PCDHGA12: variants seen among roughly 807,000 people sequenced by gnomAD.
The protein encoded by PCDHGA12 is protocadherin gamma subfamily A, 12.
In PCDHGA12, 43 loss-of-function variants were observed where a neutral mutation model predicts 61.1. The observed-to-expected ratio is 0.70, with a 90% CI of 0.55 to 0.91. PCDHGA12 has a LOEUF of 0.91. Ranked by LOEUF, PCDHGA12 falls within the 40% of genes least tolerant of loss-of-function variation. The pLI is 0.00. For missense variants in PCDHGA12, 1,236 were observed against 1,227.7 expected (o/e 1.01, Z -0.10); for synonymous variants, 520 against 542.9 (o/e 0.96, Z 0.59).
chr5:141,433,262 T>A, intron 1 of PCDHGA12, 79 bp downstream of exon 1: 1 of 1,339,436 alleles, frequency 7.5e-7, no homozygotes, highest in Non-Finnish European at 1.0e-6. Flanking sequence ...GGTACGATCA[T>A]AGCTCACTGC....
At chr5:141,478,694 T>A (rs2099472305) in intron 1 of PCDHGA12, 1 of 1,550,598 alleles carries the variant, frequency 6.4e-7, no homozygotes, top group Admixed American at 2.0e-5. Flanking sequence ...TAGATCAAAG[T>A]TAGTGCCTTT....
intron 1 of PCDHGA12, chr5:141,478,781 A>G: frequency 6.7e-7 from 1 of 1,485,388 alleles, no homozygotes; most frequent in Non-Finnish European, 9.0e-7. Flanking sequence ...TGTGGACCTA[A>G]TTCACATCCT....
In PCDHGA12 at chr5:141,502,866, C is replaced by CTTTTTTTTTTTTTTTTT. The variant is rs549047197; in HGVS notation, c.2484-2513_2484-2512insTTTTTTTTTTTTTTTTT. Among the ~76,000 whole-genome samples the CTTTTTTTTTTTTTTTTT allele has an allele frequency of 3.1e-5, 4 of 128,046 alleles. 1 individual carries two copies. 84.0% of individuals were successfully genotyped at this position (128,046 alleles called of 152,430 possible). A position where few individuals can be genotyped will look rare whatever the true frequency, so the allele number is the denominator to read the frequency against. ...GAGCTGCCTAACCCTGACTCTCTGTCTTTTTTTTTTTTTTGACAGGGAGTC... is the reference window on the plus strand; with the variant it reads ...GAGCTGCCTAACCCTGACTCTCTGTCTTTTTTTTTTTTTTTTTTTTTTTTTTTTTTTGACAGGGAGTC... On this transcript the variant is annotated intron_variant, in intron 2 of 3. Transcript: ENST00000252085.
rs1001912556 is a variant in PCDHGA12, at chr5:141,493,404, CTCTGCTGGGATTTTGCT to C, written c.2425-1391_2425-1375del. Among the ~76,000 whole-genome samples, 10 of 152,266 alleles carry C rather than the reference CTCTGCTGGGATTTTGCT, an allele frequency of 6.6e-5. No individual in the cohort carries two copies. Among genetic ancestry groups the C allele is most frequent in the Admixed American group, 6.5e-4 (10 of 15,298 alleles). On this transcript the variant is annotated intron_variant, in intron 1 of 3. Coordinates refer to ENST00000252085, the MANE Select transcript of PCDHGA12 (RefSeq NM_003735.3). The surrounding 1 kb of genome is among the most constrained non-coding windows in gnomAD (Gnocchi z 4.3). ...CTTGAGGACAGGAGAGGGGAGTTGCCTCTGCTGGGATTTTGCTTCTGCTGGGATGGGGCAAGGGTGGG... is the reference window on the plus strand; with the variant it reads ...CTTGAGGACAGGAGAGGGGAGTTGCCTCTGCTGGGATGGGGCAAGGGTGGG...
intron 1 of PCDHGA12, among the ~76,000 whole-genome samples, chr5:141,448,700 G>A (rs2098601460): frequency 6.6e-6 from 1 of 152,106 alleles, no homozygotes; most frequent in African/African-American, 2.4e-5. Context: ...CAGCACTTTG[G>A]GAGGCCGAGG....
Position 141,477,311 on chromosome 5 carries a change from C to G in PCDHGA12, c.2425-17496C>G. 6.2e-7 allele frequency: 1 copy of G among 1,614,186 alleles called. No individual in the cohort carries two copies. The highest frequency in any genetic ancestry group is 8.5e-7 in the Non-Finnish European group (1 of 1,180,032). ...AGTTCCACCGGGTCTCCCTTTCAGC[C>G]TTACTTCTTCCCTCAAGAATTACTT... On this transcript the variant is annotated intron_variant, in intron 1 of 3. Coordinates refer to ENST00000252085, the MANE Select transcript of PCDHGA12 (RefSeq NM_003735.3). The surrounding 1 kb of genome is among the most constrained non-coding windows in gnomAD (Gnocchi z 4.9).
At chr5:141,440,165 A>G (rs935524872) in intron 1 of PCDHGA12, 2 of 152,300 alleles carry the variant, frequency 1.3e-5, no homozygotes, top group African/African-American at 4.8e-5. Flanking sequence ...AGCTTGGGCC[A>G]TAACGCTTTG....
intron 1 of PCDHGA12, chr5:141,478,117 C>G (rs1419172538): frequency 1.3e-5 from 21 of 1,614,058 alleles, no homozygotes; most frequent in Non-Finnish European, 1.7e-5. Context: ...TGTCAGTAAC[C>G]GAGGACTCTC....
In PCDHGA12 at chr5:141,487,241, A is replaced by G. The variant is rs753291480; in HGVS notation, c.2425-7566A>G. ...TCCAAGGGAAGGAGAATCTCGTCTA[A>G]CCCTCTACTTGGCTGTGTCCCTAGT... On this transcript the variant is annotated intron_variant, in intron 1 of 3. Transcript: ENST00000252085. The surrounding 1 kb of genome is among the most constrained non-coding windows in gnomAD (Gnocchi z 5.0). 2 of 1,613,876 alleles carry G rather than the reference A, an allele frequency of 1.2e-6. No homozygotes were observed. The highest frequency in any genetic ancestry group is 3.3e-5 in the Admixed American group (2 of 59,988).
chr5:141,499,634 C>A (rs1194596079), intron 2 of PCDHGA12, among the ~76,000 whole-genome samples: 1 of 151,220 alleles, frequency 6.6e-6, no homozygotes, highest in Non-Finnish European at 1.5e-5. Flanking sequence ...TCTTTTGAAG[C>A]AAATCTCAGA....
rs1195316502 is a variant in PCDHGA12 at position 141,431,006 on chromosome 5, A to G, written c.247A>G (p.Ser83Gly). 1.2e-6 allele frequency: 2 copies of G among 1,614,116 alleles called. No individual in the cohort carries two copies. Among genetic ancestry groups the G allele is most frequent in the South Asian group, 2.2e-5 (2 of 91,078 alleles). ...TTTCGCCCTGAATCCGCGCAGCGGC[A>G]GCTTGGTCACGGCGGGCAGGATAGA... ...QLFALNPRSG[S>G]LVTAGRIDRE... Residue 83 changes from serine to glycine, a missense_variant, in exon 1 of 4, where the codon AGC becomes GGC. Transcript: ENST00000252085. The surrounding 1 kb of genome is among the most constrained non-coding windows in gnomAD (Gnocchi z 4.8).
rs2099521625 is a variant in PCDHGA12, at chr5:141,480,568, G to A, written c.2425-14239G>A. 2.0e-5 allele frequency among the ~76,000 whole-genome samples: 3 copies of A among 152,338 alleles called. No individual in the cohort carries two copies. The South Asian group carries it at 6.2e-4, about 32-fold the overall frequency. Reference sequence around the variant, plus strand: ...AAAGGCTAAGAAAGCATGAAAGCCAGCAAGAAATAACTGCCGCTCTTCTGG... The same window carrying A: ...AAAGGCTAAGAAAGCATGAAAGCCAACAAGAAATAACTGCCGCTCTTCTGG... On this transcript the variant is annotated intron_variant, in intron 1 of 3. Coordinates refer to ENST00000252085, the MANE Select transcript of PCDHGA12 (RefSeq NM_003735.3).
At chr5:141,505,106 G>A (rs934779049) in intron 2 of PCDHGA12, among the ~76,000 whole-genome samples, 1 of 152,188 alleles carries the variant, frequency 6.6e-6, no homozygotes, top group Non-Finnish European at 1.5e-5. Context: ...ATGTTGCAAT[G>A]AGCCAAGATC....
chr5:141,447,048 A>T (rs149112101), intron 1 of PCDHGA12, among the ~76,000 whole-genome samples: 1 of 152,066 alleles, frequency 6.6e-6, no homozygotes, highest in Non-Finnish European at 1.5e-5. Flanking sequence ...CTGGAATTCT[A>T]TTAAAATGTG....
chr5:141,492,320 G>T (rs1001784912), intron 1 of PCDHGA12, among the ~76,000 whole-genome samples: 1 of 152,206 alleles, frequency 6.6e-6, no homozygotes, highest in Non-Finnish European at 1.5e-5. Context: ...CTCCTCGCAC[G>T]TGGGCTTACG....
chr5:141,497,473 AGGT>A (rs2099776769), intron 2 of PCDHGA12, among the ~76,000 whole-genome samples: 1 of 151,750 alleles, frequency 6.6e-6, no homozygotes. Flanking sequence ...ATGGAGGAGA[AGGT>A]GCGGAACCTC....
intron 1 of PCDHGA12, among the ~76,000 whole-genome samples, chr5:141,460,997 G>A (rs1322943324): frequency 3.4e-5 from 5 of 147,290 alleles, no homozygotes; most frequent in Admixed American, 1.4e-4. Flanking sequence ...ATATATATAT[G>A]TGTATATATA....
At chr5:141,457,432 C>G (rs982456249) in intron 1 of PCDHGA12, among the ~76,000 whole-genome samples, 1 of 152,172 alleles carries the variant, frequency 6.6e-6, no homozygotes, top group Non-Finnish European at 1.5e-5. Context: ...TCCCCCCCAC[C>G]AAGCTGCAGA....
intron 1 of PCDHGA12, among the ~76,000 whole-genome samples, chr5:141,451,284 G>C (rs950768919): frequency 2.6e-5 from 4 of 152,186 alleles, no homozygotes; most frequent in African/African-American, 9.7e-5. Flanking sequence ...GAGTGCCTCT[G>C]CCTCAAAGTC....
Sources: gnomAD v4.1 joint callset for allele counts (sites outside exome capture counted in the v4.1 genomes callset) on GRCh38, gnomAD v4.1.1 for gene constraint, Gnocchi (gnomAD v3.1) non-coding constraint, MANE v1.5 for transcripts, NCBI Gene and HGNC (gene_info 2026-07-23, HGNC 2026-07-21) for gene names.